TCEA3: variants seen among roughly 807,000 people sequenced by gnomAD.
The protein encoded by TCEA3 is transcription elongation factor A protein 3.
TCEA3 carries 36 observed loss-of-function variants against 44.0 expected under a neutral mutation model. That is an observed-to-expected ratio of 0.82 (90% confidence interval 0.63 to 1.08). TCEA3 has a LOEUF of 1.08. Among genes scored for constraint, TCEA3 ranks in the 50% least tolerant of loss-of-function variants. The probability of loss-of-function intolerance (pLI) is 0.00; values close to 1 mark genes in which losing one functional copy is unlikely to be tolerated. For missense variants in TCEA3, 392 were observed against 441.2 expected (o/e 0.89, Z 1.00); for synonymous variants, 162 against 159.7 (o/e 1.01, Z -0.11).
chr1:23,397,779 C>T lies in TCEA3; in HGVS notation c.607+13G>A. 2 of 1,613,894 alleles carry T rather than the reference C, an allele frequency of 1.2e-6. No homozygotes were observed. Among genetic ancestry groups the T allele is most frequent in the Non-Finnish European group, 1.7e-6 (2 of 1,179,878 alleles). ...CTCCTTCCCTCCCTCATCCCTAGCC[C>T]AGGCTCTCTCACCGTCCGCCTTCAG... is the stretch of plus-strand genomic sequence containing the variant. On this transcript the variant is annotated intron_variant, in intron 6 of 10. Transcript: ENST00000450454.
chr1:23,397,575 A>G lies in TCEA3; in HGVS notation c.634T>C (p.Cys212Arg). Residue 212 changes from cysteine to arginine, a missense_variant, in exon 7 of 11, where the codon TGT becomes CGT. Cys to Arg is a radical substitution (Grantham distance 180). Transcript: ENST00000450454. ...TCGATTTCTGATGCCATCTTGTCAC[A>G]GTTGACTCCATAGTCCTTGTAATCA... ...DDDYKDYGVN[C>R]DKMASEIEDH... The G allele has an allele frequency of 6.2e-7, 1 of 1,613,900 alleles. No homozygotes were observed. Among genetic ancestry groups the G allele is most frequent in the Non-Finnish European group, 8.5e-7 (1 of 1,179,882 alleles).
intron 8 of TCEA3, 29 bp from the exon 9 acceptor site, chr1:23,387,448 G>A (rs1638881133): frequency 3.2e-6 from 5 of 1,565,628 alleles, no homozygotes; most frequent in African/African-American, 1.4e-5. Context: ...ACCCTTCAGG[G>A]CTGAGGAGTT....
chr1:23,414,534 TGGGATTAC>T (rs1639832449), intron 4 of TCEA3, among the ~76,000 whole-genome samples: 1 of 152,132 alleles, frequency 6.6e-6, no homozygotes, highest in East Asian at 1.9e-4. Context: ...CCTGAGTAGC[TGGGATTAC>T]GGGGCACCCG....
chr1:23,421,142 CATTA>C (rs1640054257), intron 1 of TCEA3, among the ~76,000 whole-genome samples: 1 of 152,192 alleles, frequency 6.6e-6, no homozygotes, highest in South Asian at 2.1e-4. Context: ...CCAAGTGTAA[CATTA>C]ATTAAAGGCT....
At chr1:23,397,643 C>T (rs142257170) in intron 6 of TCEA3, 42 bp from the exon 7 acceptor site, 71 of 1,607,998 alleles carry the variant, frequency 4.4e-5, no homozygotes, top group Middle Eastern at 1.7e-4. Flanking sequence ...CCAGACACAA[C>T]GTAGGCAGTG....
chr1:23,419,022 C>A, intron 2 of TCEA3, 55 bp downstream of exon 2: 1 of 506,698 alleles, frequency 2.0e-6, no homozygotes, highest in Admixed American at 4.2e-5. Context: ...GTCTTTCCCT[C>A]CCCCACCAGC....
At chr1:23,396,443 T>C (rs943336134) in intron 7 of TCEA3, among the ~76,000 whole-genome samples, 1 of 152,102 alleles carries the variant, frequency 6.6e-6, no homozygotes, top group Non-Finnish European at 1.5e-5. Flanking sequence ...GATCTATGAA[T>C]ACATCCCAGT....
Position 23,397,960 on chromosome 1 carries a change from G to C in TCEA3, c.444-5C>G. ...TTTGATTTGCTGCTGTTTGATCTGA[G>C]GATGACAATAAGTAACAGACATTTG... On this transcript the variant is annotated splice_region_variant and splice_polypyrimidine_tract_variant and intron_variant, in intron 5 of 10. Transcript: ENST00000450454. 2 of 1,613,486 alleles carry C rather than the reference G, an allele frequency of 1.2e-6. No individual in the cohort carries two copies. The highest frequency in any genetic ancestry group is 1.7e-6 in the Non-Finnish European group (2 of 1,179,708).
chr1:23,413,139 C>CT (rs1379348980), intron 4 of TCEA3, among the ~76,000 whole-genome samples: 2 of 151,848 alleles, frequency 1.3e-5, no homozygotes, highest in African/African-American at 2.4e-5. Context: ...TATGAATGTT[C>CT]TTTTTTTCTT....
chr1:23,397,857 T>C lies in TCEA3; in HGVS notation c.542A>G (p.Tyr181Cys), dbSNP rs541929346. Residue 181 changes from tyrosine to cysteine, a missense_variant, in exon 6 of 11, where the codon TAT becomes TGT. Physicochemically the swap from Tyr to Cys is radical, Grantham distance 194. Coordinates refer to ENST00000450454, the MANE Select transcript of TCEA3 (RefSeq NM_003196.3). ...GTCCCGGACAGAGTCCCCTGTGAGA[T>C]AGCAGGGGGCCAGGAGACACATGGA... ...ASSMCLLAPC[Y>C]LTGDSVRDKC... 1.4e-5 allele frequency: 23 copies of C among 1,613,798 alleles called. No individual in the cohort carries two copies. Among genetic ancestry groups the C allele is most frequent in the Middle Eastern group, 3.3e-4 (2 of 6,084 alleles).
chr1:23,412,399 CAA>C (rs1267820171), intron 4 of TCEA3, among the ~76,000 whole-genome samples: 14 of 55,598 alleles, frequency 2.5e-4, no homozygotes, highest in Admixed American at 8.2e-4. Context: ...GACTCTGTCT[CAA>C]AAAAAAAAAA....
At chr1:23,385,835 C>A (rs1164646803) in intron 9 of TCEA3, among the ~76,000 whole-genome samples, 1 of 152,184 alleles carries the variant, frequency 6.6e-6, no homozygotes, top group African/African-American at 2.4e-5. Context: ...CTTTATTGAC[C>A]AAGTTAGCTG....
chr1:23,406,877 C>T (rs562284198), intron 5 of TCEA3, among the ~76,000 whole-genome samples: 15 of 152,306 alleles, frequency 9.8e-5, no homozygotes, highest in Admixed American at 7.8e-4. Flanking sequence ...CCGCCTCGGC[C>T]TCCTAAAGTG....
chr1:23,415,306 G>C (rs757751252), intron 4 of TCEA3, among the ~76,000 whole-genome samples: 25 of 152,056 alleles, frequency 1.6e-4, no homozygotes, highest in Non-Finnish European at 3.1e-4. Context: ...TACAGGCATG[G>C]GCCACTGCGC....
intron 7 of TCEA3, among the ~76,000 whole-genome samples, chr1:23,395,488 G>C (rs1027728678): frequency 1.1e-4 from 17 of 152,316 alleles, no homozygotes; most frequent in Non-Finnish European, 2.1e-4. Flanking sequence ...TAAAAACAAA[G>C]AGCTAAAGTG....
rs1322155475 is a variant in TCEA3, at chr1:23,424,577, G to A, written c.57C>T (p.Ala19=). ...TCTGCAGCCTCACCGTGTTCTTCCT[G>A]GCCACCATCTTCTCCAGCTTTTTGG... ...RIAKKLEKMV[A]RKNTEGALDL... is the part of the protein sequence containing the mutation. Residue 19 remains alanine (A), a synonymous_variant, in exon 1 of 11, where the codon GCC becomes GCT. Coordinates refer to ENST00000450454, the MANE Select transcript of TCEA3 (RefSeq NM_003196.3). The A allele has an allele frequency of 1.9e-6, 3 of 1,607,916 alleles. No homozygotes were observed. Among genetic ancestry groups the A allele is most frequent in the Non-Finnish European group, 2.5e-6 (3 of 1,178,866 alleles).
At chr1:23,395,938 C>T (rs1219643687) in intron 7 of TCEA3, among the ~76,000 whole-genome samples, 2 of 151,994 alleles carry the variant, frequency 1.3e-5, no homozygotes, top group African/African-American at 2.4e-5. Flanking sequence ...TGGAAAGGAC[C>T]TGCTTGGAGG....
At chr1:23,423,698 G>C (rs1191584037) in intron 1 of TCEA3, among the ~76,000 whole-genome samples, 1 of 152,156 alleles carries the variant, frequency 6.6e-6, no homozygotes, top group Non-Finnish European at 1.5e-5. Flanking sequence ...CCCAGGGTGA[G>C]CGCAGGCCCT....
chr1:23,399,282 T>G (rs1639326694), intron 5 of TCEA3, among the ~76,000 whole-genome samples: 1 of 151,412 alleles, frequency 6.6e-6, no homozygotes, highest in African/African-American at 2.4e-5. Flanking sequence ...TTTCTCATGG[T>G]TCTGGAGGCT....
Sources: gnomAD v4.1 joint callset for allele counts (sites outside exome capture counted in the v4.1 genomes callset) on GRCh38, gnomAD v4.1.1 for gene constraint, MANE v1.5 for transcripts, NCBI Gene and HGNC (gene_info 2026-07-23, HGNC 2026-07-21) for gene names.